UNC5D: variants seen among roughly 807,000 people sequenced by gnomAD.
UNC5D encodes unc-5 netrin receptor D.
A neutral mutation model predicts 105.4 loss-of-function variants in UNC5D; 39 were observed. The observed-to-expected ratio is 0.37, with a 90% CI of 0.29 to 0.48. The LOEUF (loss-of-function observed/expected upper bound fraction) is 0.48, where lower values mean the gene tolerates loss of function less well. UNC5D is among the 20% of genes least tolerant of loss of function. UNC5D has a pLI of 0.98. For synonymous variants in UNC5D, 452 were observed against 450.4 expected, an observed-to-expected ratio of 1.00 and a Z score of -0.04; for missense variants, 991 against 1,202.4, an observed-to-expected ratio of 0.82 and a Z score of 2.60.
chr8:35,474,101 G>A (rs940932424), intron 1 of UNC5D, among the ~76,000 whole-genome samples: 2 of 152,136 alleles, frequency 1.3e-5, no homozygotes, highest in Non-Finnish European at 2.9e-5. Flanking sequence ...TCTAATACAG[G>A]ACCTTTGGAG....
chr8:35,604,074 G>A (rs1443694157), intron 4 of UNC5D, among the ~76,000 whole-genome samples: 2 of 152,180 alleles, frequency 1.3e-5, no homozygotes, highest in African/African-American at 2.4e-5. Flanking sequence ...GTGTGAATTT[G>A]ATCCTGTCAT....
intron 1 of UNC5D, among the ~76,000 whole-genome samples, chr8:35,257,281 A>G (rs1455950131): frequency 2.0e-5 from 3 of 152,020 alleles, no homozygotes; most frequent in African/African-American, 7.2e-5. Flanking sequence ...GCTATCTCTT[A>G]TATTACCTGT....
intron 4 of UNC5D, among the ~76,000 whole-genome samples, chr8:35,664,168 G>A (rs1824283646): frequency 6.6e-6 from 1 of 152,148 alleles, no homozygotes; most frequent in Non-Finnish European, 1.5e-5. Context: ...AAGAACTGCA[G>A]TTATTTTATA....
chr8:35,560,901 T>C (rs1816907668), intron 2 of UNC5D, among the ~76,000 whole-genome samples: 2 of 152,176 alleles, frequency 1.3e-5, no homozygotes, highest in Admixed American at 1.3e-4. Flanking sequence ...TCCTCCCAAC[T>C]GTGGTTAGCC....
intron 1 of UNC5D, among the ~76,000 whole-genome samples, chr8:35,497,809 C>T (rs965640073): frequency 6.6e-6 from 1 of 151,898 alleles, no homozygotes; most frequent in Non-Finnish European, 1.5e-5. Context: ...GTGGCTCACA[C>T]CTGTAATCCA....
intron 1 of UNC5D, among the ~76,000 whole-genome samples, chr8:35,352,145 G>A (rs1297617587): frequency 6.6e-6 from 1 of 152,008 alleles, no homozygotes; most frequent in Admixed American, 6.6e-5. Context: ...AAATATATAA[G>A]TAAAGAGGCT....
At chr8:35,382,852 T>A (rs1803129059) in intron 1 of UNC5D, among the ~76,000 whole-genome samples, 1 of 152,326 alleles carries the variant, frequency 6.6e-6, no homozygotes, top group African/African-American at 2.4e-5. Flanking sequence ...CACTTTTACA[T>A]CCTTGGTCAT....
intron 1 of UNC5D, among the ~76,000 whole-genome samples, chr8:35,534,917 A>T (rs924555599): frequency 9.2e-5 from 14 of 151,902 alleles, no homozygotes; most frequent in African/African-American, 3.4e-4. Flanking sequence ...AACTCTCTGA[A>T]CTCCCACATA....
chr8:35,278,229 G>A (rs1805903639), intron 1 of UNC5D, among the ~76,000 whole-genome samples: 1 of 152,146 alleles, frequency 6.6e-6, no homozygotes, highest in South Asian at 2.1e-4. Context: ...AAAGTCACGT[G>A]TGCTTCCGGC....
intron 1 of UNC5D, among the ~76,000 whole-genome samples, chr8:35,541,295 C>T (rs921893560): frequency 1.7e-4 from 26 of 152,144 alleles, no homozygotes; most frequent in African/African-American, 5.6e-4. Context: ...TGTGAACCAT[C>T]GGCTTTAGGC....
intron 1 of UNC5D, among the ~76,000 whole-genome samples, chr8:35,251,311 G>T (rs369670832): frequency 2.0e-4 from 31 of 152,138 alleles, no homozygotes; most frequent in African/African-American, 7.5e-4. Flanking sequence ...AGCAAGAAGT[G>T]CTGAGCAAAA....
intron 1 of UNC5D, among the ~76,000 whole-genome samples, chr8:35,412,292 T>C (rs1805226055): frequency 6.6e-6 from 1 of 152,034 alleles, no homozygotes; most frequent in Non-Finnish European, 1.5e-5. Context: ...GGGGAGAAAA[T>C]GTTCTTCTTA....
intron 4 of UNC5D, among the ~76,000 whole-genome samples, chr8:35,596,125 T>C (rs1005823493): frequency 6.6e-6 from 1 of 152,176 alleles, no homozygotes; most frequent in African/African-American, 2.4e-5. Flanking sequence ...ATTGAGTGTT[T>C]GTTATGTTTT....
chr8:35,498,080 AAAAC>A (rs1811721351), intron 1 of UNC5D, among the ~76,000 whole-genome samples: 2 of 76,434 alleles, frequency 2.6e-5, no homozygotes, highest in Non-Finnish European at 2.3e-5. Context: ...AAAACAAAAC[AAAAC>A]AAAAAAAAAA....
Position 35,748,575 on chromosome 8 carries a change from T to C in UNC5D, c.1815T>C (p.Cys605=). 6.2e-7 allele frequency: 1 copy of C among 1,614,120 alleles called. No individual in the cohort carries two copies. Among genetic ancestry groups the C allele is most frequent in the South Asian group, 1.1e-5 (1 of 91,080 alleles). The change falls in exon 12 of 17, where the codon TGT becomes TGC. Residue 605 remains cysteine, a synonymous_variant. Coordinates refer to ENST00000404895, the MANE Select transcript of UNC5D (RefSeq NM_080872.4). ...SEVLLSPEVT[C]GPPDMIVTTP... ...TGCTCCTGAGTCCTGAAGTCACCTG[T>C]GGTCCTCCAGACATGATCGTCACCA...
intron 4 of UNC5D, among the ~76,000 whole-genome samples, chr8:35,608,144 T>G (rs1563586228): frequency 1.3e-5 from 2 of 152,226 alleles, no homozygotes; most frequent in Non-Finnish European, 2.9e-5. Flanking sequence ...TTTAGCCCAG[T>G]ACACTTCCGA....
intron 1 of UNC5D, among the ~76,000 whole-genome samples, chr8:35,320,555 A>G (rs1403125070): frequency 6.6e-6 from 1 of 152,150 alleles, no homozygotes; most frequent in Admixed American, 6.6e-5. Context: ...AAAATATGTC[A>G]AAGAAATATA....
chr8:35,461,662 G>A (rs1197808380), intron 1 of UNC5D, among the ~76,000 whole-genome samples: 1 of 152,192 alleles, frequency 6.6e-6, no homozygotes, highest in Non-Finnish European at 1.5e-5. Context: ...TTGTGGGAAT[G>A]CAGTTTATAA....
intron 1 of UNC5D, among the ~76,000 whole-genome samples, chr8:35,266,262 T>C (rs1398344162): frequency 6.6e-6 from 1 of 152,198 alleles, no homozygotes; most frequent in Non-Finnish European, 1.5e-5. Flanking sequence ...GTGTTTCTCT[T>C]TGCTTTGTAA....
Sources: gnomAD v4.1 joint callset for allele counts (sites outside exome capture counted in the v4.1 genomes callset) on GRCh38, gnomAD v4.1.1 for gene constraint, MANE v1.5 for transcripts, NCBI Gene and HGNC (gene_info 2026-07-23, HGNC 2026-07-21) for gene names.